The following SUPT3H variants were observed in gnomAD, a reference collection of about 807,000 sequenced individuals.
SUPT3H encodes transcription initiation protein SPT3 homolog.
A neutral mutation model predicts 44.3 loss-of-function variants in SUPT3H; 44 were observed. That is an observed-to-expected ratio of 0.99 (90% confidence interval 0.78 to 1.28). SUPT3H has a LOEUF of 1.28. Ranked by LOEUF, SUPT3H falls within the 50% of genes most tolerant of loss-of-function variation. The probability of loss-of-function intolerance (pLI) is 0.00; values close to 1 mark genes in which losing one functional copy is unlikely to be tolerated. For synonymous variants in SUPT3H, 124 were observed against 125.6 expected (o/e 0.99, Z 0.09); for missense variants, 380 against 387.1 (o/e 0.98, Z 0.15).
At chr6:45,088,412 G>A (rs1036653603) in intron 3 of SUPT3H, among the ~76,000 whole-genome samples, 1 of 151,906 alleles carries the variant, frequency 6.6e-6, no homozygotes, top group Admixed American at 6.6e-5. Flanking sequence ...AAATTTTTTG[G>A]CTGCCATTAA....
chr6:45,375,233 T>A (rs1376981403), intron 1 of SUPT3H, among the ~76,000 whole-genome samples: 1 of 152,130 alleles, frequency 6.6e-6, no homozygotes. Context: ...TTTCTGATAT[T>A]GCAATGTGGT....
chr6:45,148,081 T>C (rs1049384385), intron 2 of SUPT3H, among the ~76,000 whole-genome samples: 8 of 152,160 alleles, frequency 5.3e-5, no homozygotes, highest in African/African-American at 1.9e-4. Context: ...TTAAATTATC[T>C]ACAATACACT....
intron 2 of SUPT3H, among the ~76,000 whole-genome samples, chr6:45,260,179 C>T (rs2153657114): frequency 6.6e-6 from 1 of 152,272 alleles, no homozygotes; most frequent in East Asian, 1.9e-4. Flanking sequence ...GATTTATCTC[C>T]TGTGAGTTGA....
intron 11 of SUPT3H, among the ~76,000 whole-genome samples, chr6:44,816,987 G>T (rs12202698): frequency 0.26 from 39,307 of 151,938 alleles, 5,355 homozygotes; most frequent in Non-Finnish European, 0.29. Context: ...CTTGAGCCCA[G>T]GAGTTCCAGG....
chr6:44,922,098 G>A (rs991975568), intron 10 of SUPT3H, among the ~76,000 whole-genome samples: 1 of 152,224 alleles, frequency 6.6e-6, no homozygotes, highest in East Asian at 1.9e-4. Context: ...ACATCTGACT[G>A]ACATATGGAC....
chr6:45,001,431 A>G (rs1191003324), intron 6 of SUPT3H, among the ~76,000 whole-genome samples: 1 of 152,070 alleles, frequency 6.6e-6, no homozygotes, highest in Non-Finnish European at 1.5e-5. Flanking sequence ...TAGTAAGGCA[A>G]AATGGATGTA....
At chr6:45,318,331 T>C (rs950345989) in intron 2 of SUPT3H, among the ~76,000 whole-genome samples, 4 of 152,070 alleles carry the variant, frequency 2.6e-5, no homozygotes, top group Non-Finnish European at 1.5e-5. Flanking sequence ...CACCGTAATT[T>C]TGGAGACAGG....
At chr6:45,251,598 TA>T (rs888298677) in intron 2 of SUPT3H, among the ~76,000 whole-genome samples, 5 of 152,102 alleles carry the variant, frequency 3.3e-5, no homozygotes, top group African/African-American at 1.2e-4. Context: ...TTGGAAAATT[TA>T]AATGAAAAGA....
chr6:45,210,314 G>A (rs1357504712), intron 2 of SUPT3H, among the ~76,000 whole-genome samples: 2 of 152,076 alleles, frequency 1.3e-5, no homozygotes, highest in East Asian at 3.9e-4. Flanking sequence ...AGAACTCAAA[G>A]TCATACTTCT....
rs546721370 is a variant in SUPT3H at position 45,195,545 on chromosome 6, T to C, written c.102-89539A>G. On this transcript the variant is annotated intron_variant, in intron 2 of 10. Transcript: ENST00000371459. ...ACAAACTTTTAGAACACAGTAGTCA[T>C]ATTAAGAAAGGGAATTTATTTTCAG... Among the ~76,000 whole-genome samples the C allele has an allele frequency of 7.6e-4, 115 of 152,280 alleles. 1 individual carries two copies. The highest frequency in any genetic ancestry group is 2.6e-3 in the African/African-American group (110 of 41,568).
At chr6:45,239,825 A>G (rs1040380364) in intron 2 of SUPT3H, among the ~76,000 whole-genome samples, 8 of 152,324 alleles carry the variant, frequency 5.3e-5, no homozygotes, top group African/African-American at 1.9e-4. Context: ...TTGTAGAACG[A>G]ATGAATCTCT....
At chr6:45,309,448 T>C (rs1298515084) in intron 2 of SUPT3H, among the ~76,000 whole-genome samples, 2 of 150,782 alleles carry the variant, frequency 1.3e-5, no homozygotes, top group Non-Finnish European at 3.0e-5. Context: ...TAAAAATATA[T>C]AGTCAAAAGA....
At chr6:45,250,828 C>CT (rs905772651) in intron 2 of SUPT3H, 36 of 146,446 alleles carry the variant, frequency 2.5e-4, no homozygotes, top group South Asian at 6.5e-4. Flanking sequence ...ATAAGACTGC[C>CT]TTTTTTTTTT....
intron 2 of SUPT3H, among the ~76,000 whole-genome samples, chr6:45,235,714 A>C (rs1320950503): frequency 6.6e-6 from 1 of 152,200 alleles, no homozygotes; most frequent in Admixed American, 6.5e-5. Flanking sequence ...TTAAAGAAGA[A>C]GGCAGATTAG....
chr6:45,188,219 T>C (rs1814571129), intron 2 of SUPT3H, among the ~76,000 whole-genome samples: 1 of 152,214 alleles, frequency 6.6e-6, no homozygotes, highest in Non-Finnish European at 1.5e-5. Flanking sequence ...GCCAAAGAGA[T>C]GCCATAAAGT....
At chr6:44,916,646 T>A (rs780612100) in intron 10 of SUPT3H, among the ~76,000 whole-genome samples, 2 of 152,218 alleles carry the variant, frequency 1.3e-5, no homozygotes, top group Non-Finnish European at 2.9e-5. Context: ...GGTCTCTGTC[T>A]CACACTCAAA....
At chr6:45,304,562 A>G (rs1037870972) in intron 2 of SUPT3H, among the ~76,000 whole-genome samples, 58 of 152,346 alleles carry the variant, frequency 3.8e-4, no homozygotes, top group African/African-American at 1.1e-3. Flanking sequence ...TTTCAAAGCT[A>G]TACAAACAGA....
intron 2 of SUPT3H, among the ~76,000 whole-genome samples, chr6:45,171,713 CTTTTTTTTTTTTT>C (rs777154020): frequency 2.1e-5 from 2 of 93,474 alleles, no homozygotes; most frequent in Non-Finnish European, 3.7e-5. Context: ...ATTCCACTTG[CTTTTTTTTTTTTT>C]TTTTTTTTTT....
At chr6:45,239,373 T>C (rs1769852273) in intron 2 of SUPT3H, among the ~76,000 whole-genome samples, 1 of 152,214 alleles carries the variant, frequency 6.6e-6, no homozygotes, top group Admixed American at 6.5e-5. Flanking sequence ...CTACACACTT[T>C]CACAATTTAA....
Sources: gnomAD v4.1 joint callset for allele counts (sites outside exome capture counted in the v4.1 genomes callset) on GRCh38, gnomAD v4.1.1 for gene constraint, MANE v1.5 for transcripts, NCBI Gene and HGNC (gene_info 2026-07-23, HGNC 2026-07-21) for gene names.